Variants in YEATS4 observed in about 807,000 individuals in gnomAD.
YEATS4 encodes YEATS domain-containing protein 4.
YEATS4 carries 17 observed loss-of-function variants against 30.1 expected under a neutral mutation model. The observed-to-expected ratio is 0.56, with a 90% CI of 0.39 to 0.85. The LOEUF is 0.85. Ranked by LOEUF, YEATS4 falls within the 40% of genes least tolerant of loss-of-function variation. YEATS4 has a pLI of 0.00. For synonymous variants in YEATS4, 85 were observed against 87.5 expected (o/e 0.97, Z 0.16); for missense variants, 142 against 268.3 (o/e 0.53, Z 3.29).
intron 6 of YEATS4, among the ~76,000 whole-genome samples, chr12:69,374,089 A>G (rs1342560505): frequency 2.0e-5 from 3 of 150,626 alleles, no homozygotes; most frequent in Non-Finnish European, 4.4e-5. Context: ...TGCGGAGGAT[A>G]ACTTAGGCTA....
chr12:69,404,499 G>A, the YEATS4 span, among the ~76,000 whole-genome samples: 1 of 152,076 alleles, frequency 6.6e-6, no homozygotes, highest in Non-Finnish European at 1.5e-5. Context: ...GATGAGTTTG[G>A]CCCTCATTTT....
At chr12:69,397,201 G>A in the YEATS4 span, among the ~76,000 whole-genome samples, 13 of 152,188 alleles carry the variant, frequency 8.5e-5, no homozygotes, top group Admixed American at 6.5e-5. Context: ...ATCCATAAGT[G>A]TAATACACTA....
At chr12:69,411,608 CA>C in the YEATS4 span, among the ~76,000 whole-genome samples, 2 of 152,126 alleles carry the variant, frequency 1.3e-5, no homozygotes, top group Non-Finnish European at 2.9e-5. Flanking sequence ...AAAATTTGAA[CA>C]GGGGAAGAGA....
chr12:69,371,392 A>G (rs1875632616), intron 6 of YEATS4, among the ~76,000 whole-genome samples: 1 of 152,242 alleles, frequency 6.6e-6, no homozygotes, highest in South Asian at 2.1e-4. Context: ...CATTTTACAT[A>G]GTTTCAGATT....
At chr12:69,384,405 T>C (rs1385019031) in intron 6 of YEATS4, among the ~76,000 whole-genome samples, 1 of 152,256 alleles carries the variant, frequency 6.6e-6, no homozygotes. Flanking sequence ...TATGGAGCTG[T>C]ATAACCTTGG....
At chr12:69,414,822 C>T in the YEATS4 span, among the ~76,000 whole-genome samples, 5 of 152,132 alleles carry the variant, frequency 3.3e-5, no homozygotes, top group Admixed American at 6.6e-5. Flanking sequence ...GGGGTGATGT[C>T]GTTGATTGCT....
At position 69,359,893 on chromosome 12, in the gene YEATS4, GC is replaced by G; in HGVS notation, c.-79del. 2 of 1,571,194 alleles carry G rather than the reference GC, an allele frequency of 1.3e-6. No individual in the cohort carries two copies. The highest frequency in any genetic ancestry group is 2.7e-5 in the African/African-American group (2 of 73,574). ...CTCCGCCTGGGCCCGCGCGACAGGAGCGCGGTCTCTGAGGGGAGCGGCGACC... is the reference window on the plus strand; with the variant it reads ...CTCCGCCTGGGCCCGCGCGACAGGAGGCGGTCTCTGAGGGGAGCGGCGACC... On this transcript the variant is annotated 5_prime_UTR_variant, in exon 1 of 7. Transcript: ENST00000247843.
At chr12:69,417,144 T>C in the YEATS4 span, among the ~76,000 whole-genome samples, 1 of 125,268 alleles carries the variant, frequency 8.0e-6, no homozygotes, top group Non-Finnish European at 1.7e-5. Context: ...GGCTTAAACA[T>C]TTTTTAAAAA....
At chr12:69,388,049 T>TTTTTGTA (rs1555176423) in intron 6 of YEATS4, among the ~76,000 whole-genome samples, 3 of 144,982 alleles carry the variant, frequency 2.1e-5, no homozygotes, top group African/African-American at 8.1e-5. Context: ...AATTTTTTTA[T>TTTTTGTA]TTTTTTTATT....
At position 69,359,896 on chromosome 12, in the gene YEATS4, C is replaced by T. The variant is rs1033910823; in HGVS notation, c.-77C>T. 3 of 1,572,804 alleles carry T rather than the reference C, an allele frequency of 1.9e-6. No individual in the cohort carries two copies. Among genetic ancestry groups the T allele is most frequent in the Non-Finnish European group, 2.6e-6 (3 of 1,149,636 alleles). On this transcript the variant is annotated 5_prime_UTR_variant, in exon 1 of 7. Coordinates refer to ENST00000247843, the MANE Select transcript of YEATS4 (RefSeq NM_006530.4). ...CGCCTGGGCCCGCGCGACAGGAGCG[C>T]GGTCTCTGAGGGGAGCGGCGACCCC... is the stretch of plus-strand genomic sequence containing the variant.
chr12:69,420,312 T>C, the YEATS4 span, among the ~76,000 whole-genome samples: 6 of 151,802 alleles, frequency 4.0e-5, no homozygotes, highest in South Asian at 2.1e-4. Context: ...CCTGAAGAAA[T>C]GCTGTGGAGG....
At chr12:69,401,794 TCTA>T in the YEATS4 span, among the ~76,000 whole-genome samples, 1 of 152,222 alleles carries the variant, frequency 6.6e-6, no homozygotes, top group African/African-American at 2.4e-5. Flanking sequence ...TCTCACACGT[TCTA>T]CTTTCTTTTG....
rs1875103953 is a variant in YEATS4 at position 69,359,794 on chromosome 12, A to G, written c.-179A>G. On this transcript the variant is annotated 5_prime_UTR_variant, in exon 1 of 7. Coordinates refer to ENST00000247843, the MANE Select transcript of YEATS4 (RefSeq NM_006530.4). ...GCGGGCCTGAATGGCCTTCAGGAGC[A>G]CAGTCGGCCTGAGGAGTTGACGGTT... 1 of 673,600 alleles carries G rather than the reference A, an allele frequency of 1.5e-6. No individual in the cohort carries two copies. Among genetic ancestry groups the G allele is most frequent in the Non-Finnish European group, 2.4e-6 (1 of 410,082 alleles). The allele number at this position is 673,600 out of a possible 1,614,324, so 41.7% of individuals were successfully genotyped here. A position where few individuals can be genotyped will look rare whatever the true frequency, so the allele number is the denominator to read the frequency against.
At chr12:69,362,429 TAGGTGATAAGGACATTGCCAC>T (rs1479153250) in intron 1 of YEATS4, among the ~76,000 whole-genome samples, 1 of 152,238 alleles carries the variant, frequency 6.6e-6, no homozygotes, top group Non-Finnish European at 1.5e-5. Context: ...TGCCACAGGC[TAGGTGATAAGGACATTGCCAC>T]AGGTGATGCC....
At chr12:69,417,465 G>GTCAA in the YEATS4 span, among the ~76,000 whole-genome samples, 126 of 152,134 alleles carry the variant, frequency 8.3e-4, no homozygotes, top group Non-Finnish European at 1.4e-3. Flanking sequence ...TGGCTAGTCA[G>GTCAA]GTCTTAAATT....
chr12:69,368,975 C>T lies in YEATS4; in HGVS notation c.334-1731C>T, dbSNP rs190732297. ...CGTATCTTTTGCCTGCATTTATAGT[C>T]CCAGTTACTTGGGAGGCTGAGGCAG... is the stretch of plus-strand genomic sequence containing the variant. On this transcript the variant is annotated intron_variant, in intron 4 of 6. Coordinates refer to ENST00000247843, the MANE Select transcript of YEATS4 (RefSeq NM_006530.4). Among the ~76,000 whole-genome samples, 32 of 152,284 alleles carry T rather than the reference C, an allele frequency of 2.1e-4. No homozygotes were observed. The East Asian group carries it at 5.4e-3, about 26-fold the overall frequency.
chr12:69,372,537 G>GGTTTT lies in YEATS4; in HGVS notation c.514+1562_514+1563insGTTTT, dbSNP rs577122360. On this transcript the variant is annotated intron_variant, in intron 6 of 6. Coordinates refer to ENST00000247843, the MANE Select transcript of YEATS4 (RefSeq NM_006530.4). The stretch of plus-strand genomic sequence containing the variant: ...CTACTCTGTTTTCTGTATCTCATGA[G>GGTTTT]TTTTTTTTTTTTTTTGAGACAGAGC... Among the ~76,000 whole-genome samples, 20 of 123,030 alleles carry GGTTTT rather than the reference G, an allele frequency of 1.6e-4. 1 individual carries two copies. The highest frequency in any genetic ancestry group is 8.2e-4 in the Admixed American group (9 of 11,012). 80.7% of individuals were successfully genotyped at this position (123,030 alleles called of 152,430 possible). A position where few individuals can be genotyped will look rare whatever the true frequency, so the allele number is the denominator to read the frequency against.
chr12:69,389,225 G>A (rs993730998), intron 6 of YEATS4, among the ~76,000 whole-genome samples: 2 of 152,026 alleles, frequency 1.3e-5, no homozygotes, highest in Non-Finnish European at 2.9e-5. Flanking sequence ...TAAGGAGGGC[G>A]GATTGCCTGA....
chr12:69,426,556 A>G, the YEATS4 span, among the ~76,000 whole-genome samples: 1 of 152,112 alleles, frequency 6.6e-6, no homozygotes, highest in Non-Finnish European at 1.5e-5. Context: ...CTTTTAGTAG[A>G]GACAGGGTTT....
Sources: gnomAD v4.1 joint callset for allele counts (sites outside exome capture counted in the v4.1 genomes callset) on GRCh38, gnomAD v4.1.1 for gene constraint, MANE v1.5 for transcripts, NCBI Gene and HGNC (gene_info 2026-07-23, HGNC 2026-07-21) for gene names.